The following ANKIB1 variants were observed in gnomAD, a reference collection of about 807,000 sequenced individuals.
The protein encoded by ANKIB1 is ankyrin repeat and IBR domain containing 1, also known as ankyrin repeat and IBR domain-containing protein 1.
Under a neutral mutation model 122.1 loss-of-function variants are expected in ANKIB1, and 43 were observed. The observed-to-expected ratio is 0.35, with a 90% CI of 0.28 to 0.45. The LOEUF (loss-of-function observed/expected upper bound fraction) is 0.45. Ranked by LOEUF, ANKIB1 falls within the 20% of genes least tolerant of loss-of-function variation. The pLI, the probability that ANKIB1 is intolerant of heterozygous loss-of-function variation, is 1.00. For missense variants in ANKIB1, 992 were observed against 1,329.5 expected (o/e 0.75, Z 3.95); for synonymous variants, 390 against 442.0 (o/e 0.88, Z 1.48).
At chr7:92,329,167 C>T (rs1295821418) in intron 5 of ANKIB1, among the ~76,000 whole-genome samples, 2 of 152,004 alleles carry the variant, frequency 1.3e-5, no homozygotes, top group African/African-American at 4.8e-5. Flanking sequence ...AAGGTTCCAT[C>T]ATGTTGGCCA....
At chr7:92,371,950 GGTGTGTGTGTGTGTGTGTGTGTGTGT>G (rs55936298) in intron 11 of ANKIB1, among the ~76,000 whole-genome samples, 46 of 118,148 alleles carry the variant, frequency 3.9e-4, no homozygotes, top group South Asian at 6.8e-4. Flanking sequence ...TTGAGAGAGG[GGTGTGTGTGTGTGTGTGTGTGTGTGT>G]GTGTGTGTGT....
chr7:92,283,299 T>C (rs1802048586), intron 1 of ANKIB1, among the ~76,000 whole-genome samples: 2 of 152,182 alleles, frequency 1.3e-5, no homozygotes, highest in African/African-American at 4.8e-5. Flanking sequence ...GCTTTCTCGG[T>C]TAAAATATTT....
chr7:92,386,481 A>G, intron 11 of ANKIB1, 28 bp from the exon 12 acceptor site: 1 of 1,563,026 alleles, frequency 6.4e-7, no homozygotes, highest in East Asian at 2.3e-5. Context: ...ATATGGGGAG[A>G]TGTTTTCATC....
intron 1 of ANKIB1, among the ~76,000 whole-genome samples, chr7:92,247,696 A>G (rs1220238389): frequency 6.6e-6 from 1 of 152,216 alleles, no homozygotes; most frequent in Non-Finnish European, 1.5e-5. Flanking sequence ...TAGCTCTTAT[A>G]TGACTTTATG....
chr7:92,367,841 G>T (rs1422950333), intron 10 of ANKIB1, among the ~76,000 whole-genome samples: 2 of 152,106 alleles, frequency 1.3e-5, no homozygotes, highest in Non-Finnish European at 2.9e-5. Context: ...AATAAACTGA[G>T]TTCAAATTGT....
intron 11 of ANKIB1, among the ~76,000 whole-genome samples, chr7:92,379,476 G>T (rs755151002): frequency 1.4e-4 from 22 of 152,132 alleles, no homozygotes; most frequent in Non-Finnish European, 2.2e-4. Flanking sequence ...AGGGGAACTA[G>T]CCTTGTCAAA....
intron 1 of ANKIB1, among the ~76,000 whole-genome samples, chr7:92,276,380 T>A (rs1330739074): frequency 6.6e-6 from 1 of 152,216 alleles, no homozygotes; most frequent in African/African-American, 2.4e-5. Context: ...CCATCTTTAT[T>A]TCTAAAACTT....
intron 2 of ANKIB1, among the ~76,000 whole-genome samples, chr7:92,306,454 A>T (rs1019413726): frequency 2.0e-5 from 3 of 152,124 alleles, no homozygotes; most frequent in African/African-American, 7.2e-5. Flanking sequence ...AGTCTTCTAG[A>T]TCTAACCACA....
chr7:92,380,504 A>C (rs1004175209), intron 11 of ANKIB1, among the ~76,000 whole-genome samples: 2 of 152,182 alleles, frequency 1.3e-5, no homozygotes, highest in Non-Finnish European at 2.9e-5. Flanking sequence ...CACCTCATAC[A>C]GCCAGGTGCC....
Position 92,294,885 on chromosome 7 carries a change from T to G in ANKIB1, c.-90-4T>G. ...TCTAATTTGAATAACTTTTCCTTCA[T>G]TAGAATGTGAAAGATGTTGCAGAAG... On this transcript the variant is annotated splice_polypyrimidine_tract_variant and splice_region_variant and intron_variant, in intron 1 of 19. Coordinates refer to ENST00000265742, the MANE Select transcript of ANKIB1 (RefSeq NM_019004.2). 1.2e-6 allele frequency: 1 copy of G among 848,362 alleles called. No individual in the cohort carries two copies. The highest frequency in any genetic ancestry group is 2.6e-5 in the South Asian group (1 of 37,750). The allele number at this position is 848,362 out of a possible 1,614,324, so 52.6% of individuals were successfully genotyped here. A position where few individuals can be genotyped will look rare whatever the true frequency, so the allele number is the denominator to read the frequency against.
chr7:92,350,821 C>T (rs1454512635), intron 7 of ANKIB1, 129 bp from the exon 8 acceptor site: 1 of 854,934 alleles, frequency 1.2e-6, no homozygotes, highest in Non-Finnish European at 1.7e-6. Flanking sequence ...CGTGCCACTG[C>T]ACTCCAACCT....
chr7:92,279,514 T>C (rs1160970278), intron 1 of ANKIB1, among the ~76,000 whole-genome samples: 1 of 152,164 alleles, frequency 6.6e-6, no homozygotes, highest in Non-Finnish European at 1.5e-5. Flanking sequence ...CCAGCTGGCA[T>C]CTACTGATGT....
chr7:92,262,624 G>A (rs1166513993), intron 1 of ANKIB1, among the ~76,000 whole-genome samples: 1 of 152,074 alleles, frequency 6.6e-6, no homozygotes, highest in Non-Finnish European at 1.5e-5. Flanking sequence ...TATACATACA[G>A]GAAAGAGAAG....
At chr7:92,367,280 C>T (rs1804109351) in intron 10 of ANKIB1, among the ~76,000 whole-genome samples, 1 of 152,206 alleles carries the variant, frequency 6.6e-6, no homozygotes, top group Non-Finnish European at 1.5e-5. Context: ...AGTTTTCTCA[C>T]TCTACTGATT....
rs1281909483 is a variant in ANKIB1, at chr7:92,399,940, T to TGGA, written c.*993_*995dup. On this transcript the variant is annotated 3_prime_UTR_variant, in exon 20 of 20. Transcript: ENST00000265742. ...CGTGTTTTATAAAATAGAAAAAAAG[T>TGGA]GGAGTTTTCATGAGTTATAGTAAAT... is the stretch of plus-strand genomic sequence containing the variant. The TGGA allele has an allele frequency of 6.6e-6, 1 of 152,172 alleles. No homozygotes were observed. The highest frequency in any genetic ancestry group is 1.5e-5 in the Non-Finnish European group (1 of 68,028). The allele number at this position is 152,172 out of a possible 1,614,324, so 9.4% of individuals were successfully genotyped here. A position where few individuals can be genotyped will look rare whatever the true frequency, so the allele number is the denominator to read the frequency against.
At chr7:92,265,108 G>A (rs1278458930) in intron 1 of ANKIB1, among the ~76,000 whole-genome samples, 1 of 152,100 alleles carries the variant, frequency 6.6e-6, no homozygotes, top group Non-Finnish European at 1.5e-5. Flanking sequence ...TACCCAAGTA[G>A]CTAGGACTAC....
chr7:92,337,200 A>C (rs749016100), intron 5 of ANKIB1, among the ~76,000 whole-genome samples: 1 of 152,170 alleles, frequency 6.6e-6, no homozygotes, highest in Admixed American at 6.6e-5. Context: ...GAGAATTCCA[A>C]ATGGAGAAGT....
chr7:92,352,414 T>G (rs1320779537), intron 8 of ANKIB1, 62 bp from the exon 9 acceptor site: 1 of 1,517,592 alleles, frequency 6.6e-7, no homozygotes, highest in Non-Finnish European at 9.0e-7. Context: ...AGAGGTACAC[T>G]CTGTATTAGA....
chr7:92,272,280 G>A (rs780801958), intron 1 of ANKIB1, among the ~76,000 whole-genome samples: 4 of 152,028 alleles, frequency 2.6e-5, no homozygotes, highest in Non-Finnish European at 4.4e-5. Flanking sequence ...GAGAAGATCC[G>A]AAAATTCCAC....
Sources: allele counts gnomAD v4.1 joint callset (sites outside exome capture counted in the v4.1 genomes callset), GRCh38; gene constraint gnomAD v4.1.1; transcripts MANE v1.5; gene names NCBI Gene and HGNC (gene_info 2026-07-23, HGNC 2026-07-21).